TIAM1: variants seen among roughly 807,000 people sequenced by gnomAD.
TIAM1 encodes TIAM Rac1 associated GEF 1.
A neutral mutation model predicts 163.5 loss-of-function variants in TIAM1; 65 were observed. The ratio of observed to expected loss-of-function variants is 0.40; its 90% CI spans 0.33 to 0.49. The LOEUF is 0.49. TIAM1 is among the 20% of genes least tolerant of loss of function. The pLI, the probability that TIAM1 is intolerant of heterozygous loss-of-function variation, is 0.77. For synonymous variants in TIAM1, 833 were observed against 810.1 expected, an observed-to-expected ratio of 1.03 and a Z score of -0.48; for missense variants, 1,789 against 2,044.7, an observed-to-expected ratio of 0.87 and a Z score of 2.41.
At chr21:31,175,157 G>A (rs1412290427) in intron 15 of TIAM1, among the ~76,000 whole-genome samples, 1 of 152,016 alleles carries the variant, frequency 6.6e-6, no homozygotes, top group Non-Finnish European at 1.5e-5. Context: ...TGCCCAAGCT[G>A]GTCTCAAACT....
intron 23 of TIAM1, among the ~76,000 whole-genome samples, chr21:31,135,636 C>T (rs989380165): frequency 1.5e-4 from 22 of 149,240 alleles, no homozygotes; most frequent in Admixed American, 6.6e-4. Context: ...TGAAAAGACA[C>T]GCAGAGCAGC....
At chr21:31,136,540 T>C (rs902133074) in intron 22 of TIAM1, among the ~76,000 whole-genome samples, 1 of 151,988 alleles carries the variant, frequency 6.6e-6, no homozygotes, top group Non-Finnish European at 1.5e-5. Flanking sequence ...GAAAAATAAA[T>C]CCTCTCCATT....
At chr21:31,385,171 T>C (rs948625081) in intron 2 of TIAM1, among the ~76,000 whole-genome samples, 2 of 152,148 alleles carry the variant, frequency 1.3e-5, no homozygotes, top group Non-Finnish European at 2.9e-5. Context: ...AAGCGATTCT[T>C]CTGCCTCAGC....
chr21:31,336,615 C>T (rs1478077884), intron 2 of TIAM1, among the ~76,000 whole-genome samples: 1 of 151,714 alleles, frequency 6.6e-6, no homozygotes, highest in African/African-American at 2.4e-5. Flanking sequence ...AAAAAGAATC[C>T]CTTAACACTG....
chr21:31,309,322 G>A (rs193296671), intron 2 of TIAM1, among the ~76,000 whole-genome samples: 124 of 152,234 alleles, frequency 8.1e-4, no homozygotes, highest in African/African-American at 2.8e-3. Flanking sequence ...GCCGGGCACG[G>A]TGGCATGCAC....
At chr21:31,210,639 A>AGGAAGGAAGGG in intron 10 of TIAM1, among the ~76,000 whole-genome samples, 1 of 26,402 alleles carries the variant, frequency 3.8e-5, no homozygotes. Context: ...GAAAGAAAGA[A>AGGAAGGAAGGG]AGAAAGAAAG....
intron 2 of TIAM1, among the ~76,000 whole-genome samples, chr21:31,426,985 A>G (rs2043815602): frequency 6.6e-6 from 1 of 152,122 alleles, no homozygotes; most frequent in South Asian, 2.1e-4. Flanking sequence ...CAGTGGCACA[A>G]TCATATCTCA....
chr21:31,532,407 A>T (rs552920433), intron 1 of TIAM1, among the ~76,000 whole-genome samples: 23 of 152,124 alleles, frequency 1.5e-4, no homozygotes, highest in Non-Finnish European at 3.1e-4. Flanking sequence ...GCTTGCTTTT[A>T]TGTCCTTCAT....
chr21:31,359,841 GAA>G (rs1491120434), intron 2 of TIAM1, among the ~76,000 whole-genome samples: 2,231 of 138,976 alleles, frequency 0.016, 109 homozygotes, highest in African/African-American at 0.059. Context: ...AGGAAGGAAG[GAA>G]GGAAGGAAGG....
chr21:31,295,645 T>G (rs2074229538), intron 2 of TIAM1, among the ~76,000 whole-genome samples: 1 of 152,030 alleles, frequency 6.6e-6, no homozygotes, highest in Non-Finnish European at 1.5e-5. Flanking sequence ...GATGAACAGT[T>G]AACAGGTTAT....
chr21:31,225,097 G>A (rs1047568472), intron 7 of TIAM1, among the ~76,000 whole-genome samples: 71 of 151,890 alleles, frequency 4.7e-4, no homozygotes, highest in Admixed American at 1.6e-3. Flanking sequence ...TTGGCCCACC[G>A]CACCCTCTGC....
chr21:31,216,596 C>A (rs1203568861), intron 9 of TIAM1, among the ~76,000 whole-genome samples: 1 of 152,132 alleles, frequency 6.6e-6, no homozygotes, highest in African/African-American at 2.4e-5. Flanking sequence ...ACGGAAGTAA[C>A]CCCAGCAGGA....
chr21:31,248,683 G>A (rs1450761940), intron 5 of TIAM1, among the ~76,000 whole-genome samples: 4 of 152,068 alleles, frequency 2.6e-5, no homozygotes, highest in Admixed American at 2.6e-4. Flanking sequence ...CTAAGAAAAA[G>A]TCAGCTGCAA....
chr21:31,268,181 A>G (rs546338348), intron 3 of TIAM1, among the ~76,000 whole-genome samples: 200 of 152,356 alleles, frequency 1.3e-3, no homozygotes, highest in African/African-American at 4.4e-3. Context: ...CCATTCATTC[A>G]GAAAATACAC....
intron 2 of TIAM1, among the ~76,000 whole-genome samples, chr21:31,323,721 C>T (rs2075392331): frequency 6.6e-6 from 1 of 152,072 alleles, no homozygotes; most frequent in Non-Finnish European, 1.5e-5. Context: ...ATCCCAGCTA[C>T]TTGGGAGGCT....
chr21:31,388,260 A>C (rs1056236759), intron 2 of TIAM1, among the ~76,000 whole-genome samples: 2 of 29,522 alleles, frequency 6.8e-5, no homozygotes, highest in African/African-American at 3.7e-4. Context: ...CACACACACA[A>C]CCTCTTACGT....
chr21:31,537,442 C>CAAAAAAAAAAAA (rs10578615), intron 1 of TIAM1, among the ~76,000 whole-genome samples: 1 of 132,556 alleles, frequency 7.5e-6, no homozygotes, highest in Non-Finnish European at 1.6e-5. Context: ...CAAGAAATCG[C>CAAAAAAAAAAAA]AAAAAAAAAA....
At chr21:31,224,374 A>G (rs2087806056) in intron 7 of TIAM1, among the ~76,000 whole-genome samples, 1 of 152,220 alleles carries the variant, frequency 6.6e-6, no homozygotes, top group African/African-American at 2.4e-5. Context: ...TGGCCAATAA[A>G]CAAACCATGG....
chr21:31,286,434 T>C (rs1269756672), intron 2 of TIAM1, among the ~76,000 whole-genome samples: 1 of 151,974 alleles, frequency 6.6e-6, no homozygotes, highest in African/African-American at 2.4e-5. Context: ...AGGACTGGGC[T>C]TGGTGGCTCA....
Sources: gnomAD v4.1 joint callset for allele counts (sites outside exome capture counted in the v4.1 genomes callset) on GRCh38, gnomAD v4.1.1 for gene constraint, MANE v1.5 for transcripts, NCBI Gene and HGNC (gene_info 2026-07-23, HGNC 2026-07-21) for gene names.